Variants in MROH2B observed in about 807,000 individuals in gnomAD.
MROH2B encodes maestro heat like repeat family member 2B.
In MROH2B, 177 loss-of-function variants were observed where a neutral mutation model predicts 208.6. The observed-to-expected ratio is 0.85, with a 90% CI of 0.75 to 0.96. The LOEUF is 0.96. Ranked by LOEUF, MROH2B falls within the 40% of genes least tolerant of loss-of-function variation. The pLI, the probability that MROH2B is intolerant of heterozygous loss-of-function variation, is 0.00. For synonymous variants in MROH2B, 728 were observed against 659.0 expected (o/e 1.10, Z -1.60); for missense variants, 2,002 against 1,878.7 (o/e 1.07, Z -1.21).
Position 41,038,826 on chromosome 5 carries a change from C to A in MROH2B, c.2124G>T (p.Val708=). The A allele has an allele frequency of 6.2e-7, 1 of 1,613,516 alleles. No homozygotes were observed. Among genetic ancestry groups the A allele is most frequent in the Non-Finnish European group, 8.5e-7 (1 of 1,179,670 alleles). Residue 708 remains valine (V), a synonymous_variant, in exon 21 of 42, where the codon GTG becomes GTT. Transcript: ENST00000399564. ...KTDVMVIYGA[V]ALHAPKKQLL... is the part of the protein sequence containing the mutation. ...GTTGCTTCTTGGGAGCATGGAGGGCCACTGCTCCATAGATGACCATGACAT... is the reference window on the plus strand; with the variant it reads ...GTTGCTTCTTGGGAGCATGGAGGGCAACTGCTCCATAGATGACCATGACAT...
At chr5:41,064,616 A>G (rs192411699) in intron 4 of MROH2B, 46 bp from the exon 5 acceptor site, 29 of 1,499,114 alleles carry the variant, frequency 1.9e-5, no homozygotes, top group Admixed American at 1.5e-4. Flanking sequence ...TATCTTCTCA[A>G]ATTTGGGGTT....
In MROH2B at chr5:41,065,356, G is replaced by T. The variant is rs1300798373; in HGVS notation, c.336C>A (p.Ala112=). ...CATAGCTGGTTGCCAATTCAGCCAGGGCAAGCACAACGAATTCATCTGGTA... is the reference window on the plus strand; with the variant it reads ...CATAGCTGGTTGCCAATTCAGCCAGTGCAAGCACAACGAATTCATCTGGTA... ...LELPDEFVVL[A]LAELATSYVS... Residue 112 remains alanine (A), a synonymous_variant, in exon 4 of 42, where the codon GCC becomes GCA. Coordinates refer to ENST00000399564, the MANE Select transcript of MROH2B (RefSeq NM_173489.5). 1.9e-6 allele frequency: 3 copies of T among 1,612,744 alleles called. No homozygotes were observed. The highest frequency in any genetic ancestry group is 1.7e-5 in the Admixed American group (1 of 59,862).
chr5:41,059,770 TCCCTTGCTTTC>T (rs1449392085), intron 6 of MROH2B, among the ~76,000 whole-genome samples: 2 of 152,192 alleles, frequency 1.3e-5, no homozygotes, highest in Non-Finnish European at 2.9e-5. Context: ...TGAGTTCTTC[TCCCTTGCTTTC>T]CCCTTAATAT....
intron 27 of MROH2B, 105 bp from the exon 28 acceptor site, chr5:41,018,075 T>A: frequency 7.1e-7 from 1 of 1,411,134 alleles, no homozygotes; most frequent in East Asian, 2.5e-5. Context: ...CTGCAGGTCC[T>A]TAGAATGAAA....
At chr5:41,009,816 A>G (rs1290018800) in intron 31 of MROH2B, 106 bp downstream of exon 31, 3 of 1,137,858 alleles carry the variant, frequency 2.6e-6, no homozygotes, top group African/African-American at 1.6e-5. Context: ...CAGATGAGCT[A>G]TTTTCAACCT....
intron 5 of MROH2B, among the ~76,000 whole-genome samples, chr5:41,063,981 G>C (rs1045711572): frequency 1.3e-5 from 2 of 152,138 alleles, no homozygotes; most frequent in African/African-American, 4.8e-5. Flanking sequence ...TGATTACTTT[G>C]TTTAGTTATC....
chr5:41,001,671 C>G (rs1449905876), intron 37 of MROH2B, among the ~76,000 whole-genome samples: 1 of 151,562 alleles, frequency 6.6e-6, no homozygotes, highest in Non-Finnish European at 1.5e-5. Flanking sequence ...GAGCCAAGAT[C>G]GTGCCACTGC....
At position 41,007,330 on chromosome 5, in the gene MROH2B, C is replaced by T. The variant is rs1399653768; in HGVS notation, c.3733G>A (p.Val1245Ile). 11 of 1,457,316 alleles carry T rather than the reference C, an allele frequency of 7.5e-6. No homozygotes were observed. Among genetic ancestry groups the T allele is most frequent in the East Asian group, 5.4e-5 (2 of 36,896 alleles). The allele number at this position is 1,457,316 out of a possible 1,614,324, so 90.3% of individuals were successfully genotyped here. A position where few individuals can be genotyped will look rare whatever the true frequency, so the allele number is the denominator to read the frequency against. ...GCACATTACCTGGCCAGTGAACATACGCCTATGTGGTGGGTACTAGGACTG... is the reference window on the plus strand; with the variant it reads ...GCACATTACCTGGCCAGTGAACATATGCCTATGTGGTGGGTACTAGGACTG... Reference protein sequence around the residue: ...LSSPSTHHIGVCSLARSMAVW... With the variant: ...LSSPSTHHIGICSLARSMAVW... The change falls in exon 34 of 42, where the codon GTA becomes ATA. Residue 1245 changes from valine to isoleucine, a missense_variant. Transcript: ENST00000399564.
Position 41,015,405 on chromosome 5 carries a change from G to C in MROH2B, c.2958C>G (p.Ile986Met), listed in dbSNP as rs1193688932. ...CCTTAGCTATTTTAGAAGAAATCTT[G>C]ATCTGAACCTGCACGTCATCACTTT... ...GLESDDVQVQ[I>M]KISSKIAKIV... Residue 986 changes from isoleucine to methionine, a missense_variant, in exon 29 of 42, where the codon ATC becomes ATG. Ile to Met is a conservative substitution (Grantham distance 10). Transcript: ENST00000399564. The C allele has an allele frequency of 8.7e-6, 14 of 1,613,390 alleles. No homozygotes were observed. The highest frequency in any genetic ancestry group is 1.2e-5 in the Non-Finnish European group (14 of 1,179,586).
intron 24 of MROH2B, 91 bp from the exon 25 acceptor site, chr5:41,019,109 C>T: frequency 1.3e-6 from 2 of 1,506,254 alleles, no homozygotes; most frequent in South Asian, 2.4e-5. Context: ...TCACATCTGA[C>T]CAGGCAACTA....
chr5:41,049,481 AT>A, intron 13 of MROH2B, 45 bp from the exon 14 acceptor site: 1 of 1,570,496 alleles, frequency 6.4e-7, no homozygotes, highest in South Asian at 1.2e-5. Flanking sequence ...ATTCTTTTCC[AT>A]TATTTCTCCC....
intron 3 of MROH2B, 49 bp downstream of exon 3, chr5:41,067,059 G>A: frequency 1.0e-6 from 1 of 991,670 alleles, no homozygotes; most frequent in Non-Finnish European, 1.6e-6. Context: ...CCACATGGGT[G>A]CAGTTGGGTC....
chr5:41,017,899 G>T lies in MROH2B; in HGVS notation c.2835C>A (p.Thr945=). The T allele has an allele frequency of 6.3e-7, 1 of 1,589,754 alleles. No individual in the cohort carries two copies. The highest frequency in any genetic ancestry group is 8.6e-7 in the Non-Finnish European group (1 of 1,167,418). ...TTGAGCTAGCAGCCGCCTGACGGATGGTGGGCAGGGTATCACAGGAGTGAG... is the reference window on the plus strand; with the variant it reads ...TTGAGCTAGCAGCCGCCTGACGGATTGTGGGCAGGGTATCACAGGAGTGAG... ...LAPHSCDTLP[T]IRQAAASSTI... The change falls in exon 28 of 42, where the codon ACC becomes ACA. Residue 945 remains threonine, a synonymous_variant. Coordinates refer to ENST00000399564, the MANE Select transcript of MROH2B (RefSeq NM_173489.5).
At chr5:41,023,234 A>T (rs1017797011) in intron 24 of MROH2B, among the ~76,000 whole-genome samples, 4 of 152,198 alleles carry the variant, frequency 2.6e-5, no homozygotes, top group Non-Finnish European at 5.9e-5. Flanking sequence ...TCAGATGATC[A>T]AACTTCTCCG....
rs753203787 is a variant in MROH2B at position 41,045,856 on chromosome 5, G to C, written c.1729-3C>G. The C allele has an allele frequency of 1.1e-5, 18 of 1,604,936 alleles. 1 individual carries two copies. In the South Asian group the frequency reaches 2.0e-4, roughly 18 times the overall value. On this transcript the variant is annotated splice_polypyrimidine_tract_variant and splice_region_variant and intron_variant, in intron 17 of 41. Transcript: ENST00000399564. ...TTCCATAAGGATTCTTTGAGCAACT[G>C]TTGTAGGAAGTGGAAGTTAGATGTG...
chr5:41,038,776 A>T lies in MROH2B; in HGVS notation c.2174T>A (p.Ile725Asn), dbSNP rs1039282662. 1.2e-6 allele frequency: 2 copies of T among 1,613,524 alleles called. No homozygotes were observed. Among genetic ancestry groups the T allele is most frequent in the Admixed American group, 3.3e-5 (2 of 60,002 alleles). The change falls in exon 21 of 42, where the codon ATC becomes AAC. Residue 725 changes from isoleucine to asparagine, a missense_variant. Coordinates refer to ENST00000399564, the MANE Select transcript of MROH2B (RefSeq NM_173489.5). ...KQLLSRLNQD[I>N]ISQVLSLHGQ... ...ATGAAGAGACAGGACTTGGGATATG[A>T]TATCTTGATTAAGTCTGGAGAGAAG...
At chr5:41,025,443 G>A (rs577990802) in intron 24 of MROH2B, among the ~76,000 whole-genome samples, 1 of 152,228 alleles carries the variant, frequency 6.6e-6, no homozygotes, top group South Asian at 2.1e-4. Context: ...AGAAGAAATG[G>A]ATAAATTCCT....
intron 35 of MROH2B, chr5:41,005,320 G>C: frequency 1.8e-6 from 1 of 549,102 alleles, no homozygotes; most frequent in South Asian, 2.8e-5. Flanking sequence ...CTGCAAACTA[G>C]AGGGCAGGAG....
chr5:41,063,416 C>T (rs142565809), intron 5 of MROH2B, among the ~76,000 whole-genome samples: 258 of 152,274 alleles, frequency 1.7e-3, no homozygotes, highest in Non-Finnish European at 3.0e-3. Flanking sequence ...AATGTTCTCA[C>T]TTGTAAAATG....
Sources: allele counts gnomAD v4.1 joint callset (sites outside exome capture counted in the v4.1 genomes callset), GRCh38; gene constraint gnomAD v4.1.1; transcripts MANE v1.5; gene names NCBI Gene and HGNC (gene_info 2026-07-23, HGNC 2026-07-21).